Variants in RTL4 observed in about 807,000 individuals in gnomAD.
RTL4 encodes the protein retrotransposon Gag-like protein 4.
Under a neutral mutation model 5.3 loss-of-function variants are expected in RTL4, and 4 were observed. That is an observed-to-expected ratio of 0.75 (90% CI 0.37 to 1.72). RTL4 has a LOEUF of 1.72. RTL4 is among the 40% of genes most tolerant of loss of function. The pLI, the probability that RTL4 is intolerant of heterozygous loss-of-function variation, is 0.04. For missense variants in RTL4, 260 were observed against 227.1 expected (o/e 1.14, Z -0.93); for synonymous variants, 98 against 87.3 (o/e 1.12, Z -0.68).
At chrX:112,432,958 A>C in the RTL4 span, among the ~76,000 whole-genome samples, 1 of 111,324 alleles carries the variant, frequency 9.0e-6, no homozygotes, top group Non-Finnish European at 1.9e-5. Flanking sequence ...ATGGCTAGCC[A>C]GTTTTCCCAG....
the RTL4 span, among the ~76,000 whole-genome samples, chrX:112,251,658 ATGTG>A: frequency 3.5e-4 from 39 of 110,994 alleles, no homozygotes; most frequent in South Asian, 0.014. Context: ...GTGAGCATGC[ATGTG>A]TGTGTTAGAA....
chrX:112,161,031 C>G, the RTL4 span, among the ~76,000 whole-genome samples: 4 of 111,430 alleles, frequency 3.6e-5, no homozygotes, highest in South Asian at 1.5e-3. Context: ...TTCAAAATAA[C>G]TAACAGAGTA....
chrX:112,351,496 G>A, the RTL4 span, among the ~76,000 whole-genome samples: 1 of 107,615 alleles, frequency 9.3e-6, no homozygotes, highest in African/African-American at 3.5e-5. Context: ...TAATGTGTGG[G>A]AGTCTAAGTC....
the RTL4 span, among the ~76,000 whole-genome samples, chrX:112,424,978 G>A: frequency 9.0e-6 from 1 of 110,670 alleles, no homozygotes; most frequent in African/African-American, 3.3e-5. Context: ...CACTCTTGCT[G>A]TTGTACATTC....
the RTL4 span, among the ~76,000 whole-genome samples, chrX:112,249,657 T>G: frequency 6.4e-4 from 70 of 109,934 alleles, no homozygotes; most frequent in Non-Finnish European, 1.0e-3. Context: ...CTTACATCAT[T>G]GGATTTCCTG....
chrX:112,410,179 A>G, the RTL4 span, among the ~76,000 whole-genome samples: 1 of 112,320 alleles, frequency 8.9e-6, no homozygotes, highest in African/African-American at 3.2e-5. Context: ...AGAGGATATA[A>G]CAATTGTTAA....
At chrX:112,145,225 T>C in the RTL4 span, among the ~76,000 whole-genome samples, 1 of 111,844 alleles carries the variant, frequency 8.9e-6, no homozygotes, top group African/African-American at 3.2e-5. Context: ...TACTTTTTGA[T>C]CATGATGGAT....
At chrX:112,126,882 C>CT in the RTL4 span, among the ~76,000 whole-genome samples, 1 of 111,431 alleles carries the variant, frequency 9.0e-6, no homozygotes, top group African/African-American at 3.3e-5. Context: ...TCTGAATAGA[C>CT]CTATAAAAAG....
chrX:112,305,576 A>T, the RTL4 span, among the ~76,000 whole-genome samples: 6 of 109,980 alleles, frequency 5.5e-5, no homozygotes, highest in Non-Finnish European at 9.5e-5. Flanking sequence ...GTTGGGCAGG[A>T]TGGTGTCGAA....
chrX:112,327,881 C>A, the RTL4 span, among the ~76,000 whole-genome samples: 1 of 110,212 alleles, frequency 9.1e-6, no homozygotes, highest in Non-Finnish European at 1.9e-5. Context: ...AATTTTCAAC[C>A]CAGAATTTCA....
At chrX:112,418,808 G>T in the RTL4 span, among the ~76,000 whole-genome samples, 1 of 109,650 alleles carries the variant, frequency 9.1e-6, no homozygotes, top group Non-Finnish European at 1.9e-5. Flanking sequence ...CCTTATTTAA[G>T]CAAAGTGATA....
At chrX:112,093,594 G>A in the RTL4 span, among the ~76,000 whole-genome samples, 1 of 111,852 alleles carries the variant, frequency 8.9e-6, no homozygotes, top group Non-Finnish European at 1.9e-5. Context: ...GCTGTTATTG[G>A]TACCTGCTAT....
At chrX:112,161,066 A>T in the RTL4 span, among the ~76,000 whole-genome samples, 1 of 111,909 alleles carries the variant, frequency 8.9e-6, no homozygotes, top group Non-Finnish European at 1.9e-5. Context: ...CACAGTAAAA[A>T]TGATAGGCAA....
chrX:112,410,953 A>G, the RTL4 span, among the ~76,000 whole-genome samples: 1 of 111,581 alleles, frequency 9.0e-6, no homozygotes, highest in Non-Finnish European at 1.9e-5. Flanking sequence ...TTTTTTTGAA[A>G]GAGCAGCAAA....
the RTL4 span, among the ~76,000 whole-genome samples, chrX:112,115,367 T>C: frequency 9.0e-6 from 1 of 111,508 alleles, no homozygotes; most frequent in Non-Finnish European, 1.9e-5. Context: ...CTCAAAAACC[T>C]GTTAGAGTCC....
chrX:112,349,457 A>G, the RTL4 span, among the ~76,000 whole-genome samples: 10 of 110,110 alleles, frequency 9.1e-5, no homozygotes, highest in African/African-American at 2.6e-4. Flanking sequence ...CTTGGGCAGT[A>G]TGGCCATTTT....
chrX:112,384,327 T>A, the RTL4 span, among the ~76,000 whole-genome samples: 16 of 112,141 alleles, frequency 1.4e-4, no homozygotes, highest in African/African-American at 4.2e-4. Context: ...CTTCTATGGT[T>A]TTTATGGTTT....
chrX:112,169,053 T>TTTCTTTCTTTCTTTCTTTCTTTCTTTC, the RTL4 span, among the ~76,000 whole-genome samples: 64 of 37,228 alleles, frequency 1.7e-3, no homozygotes, highest in Middle Eastern at 0.016. Context: ...TCTTTCTTTC[T>TTTCTTTCTTTCTTTCTTTCTTTCTTTC]TTCTTTCTTT....
At chrX:112,187,347 A>C in the RTL4 span, among the ~76,000 whole-genome samples, 1 of 111,946 alleles carries the variant, frequency 8.9e-6, no homozygotes, top group African/African-American at 3.2e-5. Context: ...GATTTGTGAG[A>C]CATGAAAGCA....
Sources: gnomAD v4.1 joint callset for allele counts (sites outside exome capture counted in the v4.1 genomes callset) on GRCh38, gnomAD v4.1.1 for gene constraint, MANE v1.5 for transcripts, NCBI Gene and HGNC (gene_info 2026-07-23, HGNC 2026-07-21) for gene names.